The following NTNG1 variants were observed in gnomAD, a reference collection of about 807,000 sequenced individuals.
NTNG1 encodes the protein netrin-G1.
NTNG1 carries 16 observed loss-of-function variants against 54.0 expected under a neutral mutation model. That is an observed-to-expected ratio of 0.30 (90% CI 0.20 to 0.45). The LOEUF (loss-of-function observed/expected upper bound fraction) is 0.45. NTNG1 is among the 20% of genes least tolerant of loss of function. The probability of loss-of-function intolerance (pLI) is 1.00; values close to 1 mark genes in which losing one functional copy is unlikely to be tolerated. For synonymous variants in NTNG1, 255 were observed against 263.1 expected, an observed-to-expected ratio of 0.97 and a Z score of 0.30; for missense variants, 530 against 678.7, an observed-to-expected ratio of 0.78 and a Z score of 2.43.
chr1:107,340,949 G>A lies in NTNG1; in HGVS notation c.887+16027G>A, dbSNP rs184926607. Among the ~76,000 whole-genome samples the A allele has an allele frequency of 6.6e-5, 10 of 152,064 alleles. No individual in the cohort carries two copies. The East Asian group carries it at 1.9e-3, about 30-fold the overall frequency. ...CAAGTACATATTAAACTAAGTAGTGGTTATTACCATGAGGCTCACGAAATG... is the reference window on the plus strand; with the variant it reads ...CAAGTACATATTAAACTAAGTAGTGATTATTACCATGAGGCTCACGAAATG... On this transcript the variant is annotated intron_variant, in intron 3 of 7. Transcript: ENST00000370068.
rs903364443 is a variant in NTNG1 at position 107,381,777 on chromosome 1, G to A, written c.888-13377G>A. Among the ~76,000 whole-genome samples, 27 of 152,280 alleles carry A rather than the reference G, an allele frequency of 1.8e-4. 1 individual carries two copies. The highest frequency in any genetic ancestry group is 6.5e-4 in the African/African-American group (27 of 41,542). On this transcript the variant is annotated intron_variant, in intron 3 of 7. Transcript: ENST00000370068. ...GGACACAGCTAGATTCAGACAGGCT[G>A]GATCATGGGCTACATAAAGTCATCA... is the stretch of plus-strand genomic sequence containing the variant.
intron 2 of NTNG1, among the ~76,000 whole-genome samples, chr1:107,161,869 T>C (rs1655429770): frequency 6.6e-6 from 1 of 152,026 alleles, no homozygotes; most frequent in Non-Finnish European, 1.5e-5. Flanking sequence ...TATGCTTTTA[T>C]ACATGGATTA....
intron 4 of NTNG1, among the ~76,000 whole-genome samples, chr1:107,401,793 G>T (rs1445824888): frequency 6.6e-6 from 1 of 151,902 alleles, no homozygotes; most frequent in African/African-American, 2.4e-5. Flanking sequence ...CTGGTACCTG[G>T]ACTCTGGGCT....
intron 2 of NTNG1, among the ~76,000 whole-genome samples, chr1:107,252,520 C>T (rs1662674739): frequency 6.6e-6 from 1 of 152,196 alleles, no homozygotes; most frequent in African/African-American, 2.4e-5. Context: ...GGCCATTTCA[C>T]ACTGTTTTAG....
chr1:107,264,667 A>G (rs1663611397), intron 2 of NTNG1, among the ~76,000 whole-genome samples: 1 of 152,138 alleles, frequency 6.6e-6, no homozygotes, highest in African/African-American at 2.4e-5. Context: ...TATTTAGATG[A>G]TCTCAACATT....
At chr1:107,307,241 G>T (rs577363717) in intron 2 of NTNG1, among the ~76,000 whole-genome samples, 2 of 152,268 alleles carry the variant, frequency 1.3e-5, no homozygotes, top group Non-Finnish European at 2.9e-5. Context: ...GGCTTATTCT[G>T]TGTATTCTAT....
intron 3 of NTNG1, among the ~76,000 whole-genome samples, chr1:107,386,176 T>TTTTTCTTCCTTTGAAATGGGGTTTCACTC (rs1671983913): frequency 7.1e-6 from 1 of 140,914 alleles, no homozygotes; most frequent in African/African-American, 2.6e-5. Context: ...TTTTTTTTTT[T>TTTTTCTTCCTTTGAAATGGGGTTTCACTC]TTCTTCCTTT....
intron 7 of NTNG1, among the ~76,000 whole-genome samples, chr1:107,470,658 A>G (rs769492188): frequency 1.3e-5 from 2 of 152,214 alleles, no homozygotes; most frequent in Admixed American, 6.5e-5. Flanking sequence ...CATGAATTCC[A>G]TCTTTCACCT....
intron 2 of NTNG1, among the ~76,000 whole-genome samples, chr1:107,214,286 C>T (rs991595056): frequency 1.3e-5 from 2 of 152,108 alleles, no homozygotes; most frequent in African/African-American, 2.4e-5. Context: ...TACTTTCCCC[C>T]GAGTCCCCAA....
At chr1:107,212,088 A>AT (rs1430178479) in intron 2 of NTNG1, among the ~76,000 whole-genome samples, 2 of 152,172 alleles carry the variant, frequency 1.3e-5, no homozygotes, top group African/African-American at 2.4e-5. Flanking sequence ...AGAACTAGAT[A>AT]TTTTTTTCTT....
At chr1:107,329,395 T>A (rs1668146032) in intron 3 of NTNG1, among the ~76,000 whole-genome samples, 1 of 152,190 alleles carries the variant, frequency 6.6e-6, no homozygotes, top group African/African-American at 2.4e-5. Flanking sequence ...TTATATTTGC[T>A]GTAATTAGAA....
chr1:107,152,041 TATAC>T (rs970764387), intron 2 of NTNG1, among the ~76,000 whole-genome samples: 4 of 151,648 alleles, frequency 2.6e-5, no homozygotes, highest in African/African-American at 9.7e-5. Flanking sequence ...TACATACATA[TATAC>T]ATACATATAT....
intron 7 of NTNG1, among the ~76,000 whole-genome samples, chr1:107,453,001 C>T (rs1281299584): frequency 1.3e-5 from 2 of 152,058 alleles, no homozygotes; most frequent in African/African-American, 4.8e-5. Context: ...GTGCCTGAGG[C>T]CCCCAGCATT....
At chr1:107,165,592 C>T (rs534691388) in intron 2 of NTNG1, among the ~76,000 whole-genome samples, 5 of 152,256 alleles carry the variant, frequency 3.3e-5, no homozygotes, top group African/African-American at 1.2e-4. Flanking sequence ...CAGAAATGAA[C>T]CTGTGTTCTC....
chr1:107,322,544 A>G (rs966295806), intron 2 of NTNG1, among the ~76,000 whole-genome samples: 3 of 152,104 alleles, frequency 2.0e-5, no homozygotes, highest in African/African-American at 7.2e-5. Flanking sequence ...ATAGCCCTCC[A>G]TAAAAAGCCT....
chr1:107,221,612 T>G (rs776923991), intron 2 of NTNG1, among the ~76,000 whole-genome samples: 7 of 152,180 alleles, frequency 4.6e-5, no homozygotes, highest in Admixed American at 6.5e-5. Flanking sequence ...AGTGTATAAT[T>G]TCTTTGGTTA....
intron 2 of NTNG1, among the ~76,000 whole-genome samples, chr1:107,230,357 A>G (rs144311096): frequency 6.6e-6 from 1 of 152,256 alleles, no homozygotes; most frequent in African/African-American, 2.4e-5. Context: ...ATTGATGGGC[A>G]GTCTGTATCA....
intron 2 of NTNG1, among the ~76,000 whole-genome samples, chr1:107,317,289 C>G (rs904879337): frequency 1.3e-5 from 2 of 152,026 alleles, no homozygotes; most frequent in East Asian, 3.8e-4. Context: ...TTGTAATTAA[C>G]GTTTTTAAAA....
intron 3 of NTNG1, among the ~76,000 whole-genome samples, chr1:107,376,833 A>T (rs762471780): frequency 1.1e-4 from 16 of 152,080 alleles, no homozygotes; most frequent in Non-Finnish European, 2.2e-4. Context: ...GCCCCAGCAC[A>T]TGCAAGTGTC....
Sources: allele counts gnomAD v4.1 joint callset (sites outside exome capture counted in the v4.1 genomes callset), GRCh38; gene constraint gnomAD v4.1.1; transcripts MANE v1.5; gene names NCBI Gene and HGNC (gene_info 2026-07-23, HGNC 2026-07-21).